XPO4: variants seen among roughly 807,000 people sequenced by gnomAD.
The protein encoded by XPO4 is exportin 4.
A neutral mutation model predicts 143.0 loss-of-function variants in XPO4; 39 were observed. That is an observed-to-expected ratio of 0.27 (90% CI 0.21 to 0.36). The LOEUF is 0.36. Ranked by LOEUF, XPO4 falls within the 10% of genes least tolerant of loss-of-function variation. The pLI, the probability that XPO4 is intolerant of heterozygous loss-of-function variation, is 1.00. For missense variants in XPO4, 907 were observed against 1,348.0 expected, an observed-to-expected ratio of 0.67 and a Z score of 5.12; for synonymous variants, 439 against 474.0, an observed-to-expected ratio of 0.93 and a Z score of 0.96.
intron 7 of XPO4, among the ~76,000 whole-genome samples, chr13:20,823,841 G>A (rs1358055330): frequency 6.6e-6 from 1 of 152,082 alleles, no homozygotes; most frequent in Non-Finnish European, 1.5e-5. Context: ...TAGTAGAGAC[G>A]GGGTTTCGCC....
intron 1 of XPO4, among the ~76,000 whole-genome samples, chr13:20,894,748 G>A (rs1201495244): frequency 6.6e-6 from 1 of 151,890 alleles, no homozygotes; most frequent in Non-Finnish European, 1.5e-5. Context: ...GGAGGCTAAG[G>A]CAGGAGAATC....
chr13:20,892,897 A>T (rs528328580), intron 1 of XPO4, among the ~76,000 whole-genome samples: 79 of 151,932 alleles, frequency 5.2e-4, no homozygotes, highest in East Asian at 2.7e-3. Context: ...AATAAAAAAA[A>T]AAAAATAAAA....
chr13:20,888,967 T>A (rs571947762), intron 1 of XPO4, among the ~76,000 whole-genome samples: 5 of 152,030 alleles, frequency 3.3e-5, no homozygotes, highest in African/African-American at 9.6e-5. Context: ...CATGCCCAGT[T>A]CCCAGTTAAT....
intron 9 of XPO4, among the ~76,000 whole-genome samples, chr13:20,817,000 C>A (rs147811058): frequency 6.6e-6 from 1 of 152,278 alleles, no homozygotes; most frequent in East Asian, 1.9e-4. Flanking sequence ...GTGGGGGGCG[C>A]TGGACAGCCA....
rs1413430418 is a variant in XPO4, at chr13:20,797,024, C to T, written c.2356G>A (p.Val786Met). 6.2e-7 allele frequency: 1 copy of T among 1,608,084 alleles called. No homozygotes were observed. The highest frequency in any genetic ancestry group is 2.2e-5 in the East Asian group (1 of 44,778). Reference protein sequence around the residue: ...LQPLQQRFLRVINQENFQQMC... With the variant: ...LQPLQQRFLRMINQENFQQMC... ...TGCTGGAAGTTTTCTTGGTTTATCA[C>T]TCTTAAGAATCGCTGCTGAAGTGGC... is the stretch of plus-strand genomic sequence containing the variant. Residue 786 changes from valine (V) to methionine (M), a missense_variant, in exon 17 of 23, where the codon GTG becomes ATG. Coordinates refer to ENST00000255305, the MANE Select transcript of XPO4 (RefSeq NM_022459.5).
At chr13:20,900,676 G>C (rs959747506) in intron 1 of XPO4, among the ~76,000 whole-genome samples, 20 of 150,624 alleles carry the variant, frequency 1.3e-4, no homozygotes, top group Non-Finnish European at 2.2e-4. Flanking sequence ...GCAGCAGCAC[G>C]ATCTCGGCTC....
In XPO4 at chr13:20,780,046, A is replaced by G. The variant is rs934465636; in HGVS notation, c.*3676T>C. 6.6e-6 allele frequency: 1 copy of G among 152,306 alleles called. No homozygotes were observed. Among genetic ancestry groups the G allele is most frequent in the South Asian group, 2.1e-4 (1 of 4,828 alleles). 9.4% of individuals were successfully genotyped at this position (152,306 alleles called of 1,614,324 possible). ...ACATTATTATATCCTCAAATCAACA[A>G]TGTTTTTTTGTGGGAAAGCTTACAG... On this transcript the variant is annotated 3_prime_UTR_variant, in exon 23 of 23. Transcript: ENST00000255305.
At chr13:20,892,730 G>GT (rs200102607) in intron 1 of XPO4, among the ~76,000 whole-genome samples, 2,692 of 152,028 alleles carry the variant, frequency 0.018, 95 homozygotes, top group African/African-American at 0.06. Context: ...CAAAAACATT[G>GT]TAACATAGCC....
intron 4 of XPO4, among the ~76,000 whole-genome samples, chr13:20,847,980 A>G (rs1405119152): frequency 1.3e-5 from 2 of 152,236 alleles, no homozygotes; most frequent in East Asian, 3.8e-4. Context: ...TATGGCAATT[A>G]TATGATATTA....
chr13:20,807,414 C>T, intron 13 of XPO4, 43 bp downstream of exon 13: 1 of 1,546,250 alleles, frequency 6.5e-7, no homozygotes, highest in Non-Finnish European at 8.7e-7. Context: ...ATTTATAAAA[C>T]AGTATAAAAA....
intron 1 of XPO4, among the ~76,000 whole-genome samples, chr13:20,888,218 G>C (rs1002945872): frequency 2.0e-5 from 3 of 148,922 alleles, no homozygotes; most frequent in African/African-American, 7.4e-5. Context: ...GAAAATGAAT[G>C]ATGAAATGAT....
At chr13:20,827,874 C>T (rs1352613027) in intron 6 of XPO4, among the ~76,000 whole-genome samples, 1 of 152,032 alleles carries the variant, frequency 6.6e-6, no homozygotes, top group Admixed American at 6.5e-5. Flanking sequence ...ACAAAGTAAC[C>T]ATCATATATT....
intron 20 of XPO4, among the ~76,000 whole-genome samples, 186 bp downstream of exon 20, chr13:20,788,300 A>C (rs1391103881): frequency 6.6e-6 from 1 of 151,910 alleles, no homozygotes; most frequent in Non-Finnish European, 1.5e-5. Context: ...CAGGTGATCC[A>C]CCCGCCTCGG....
intron 3 of XPO4, among the ~76,000 whole-genome samples, chr13:20,861,359 G>A (rs1046819049): frequency 4.2e-5 from 6 of 144,002 alleles, no homozygotes; most frequent in African/African-American, 1.3e-4. Context: ...GCAGTGGCTC[G>A]ATCTTGGCTC....
At chr13:20,828,603 G>C (rs1456757908) in intron 6 of XPO4, among the ~76,000 whole-genome samples, 3 of 152,132 alleles carry the variant, frequency 2.0e-5, no homozygotes, top group African/African-American at 7.2e-5. Context: ...ATCACTGCTT[G>C]TTTCTGAAAA....
At chr13:20,857,775 A>G (rs2060159305) in intron 3 of XPO4, 1 of 873,080 alleles carries the variant, frequency 1.1e-6, no homozygotes, top group South Asian at 5.2e-5. Context: ...CAAAGAAGTA[A>G]TCTGCCCAAT....
intron 18 of XPO4, among the ~76,000 whole-genome samples, chr13:20,795,191 T>C (rs999396242): frequency 5.3e-5 from 8 of 152,096 alleles, no homozygotes; most frequent in African/African-American, 1.9e-4. Context: ...CAACATATAA[T>C]AGGAGAGGCT....
At chr13:20,815,173 A>G (rs567633116) in intron 9 of XPO4, among the ~76,000 whole-genome samples, 25 of 152,148 alleles carry the variant, frequency 1.6e-4, no homozygotes, top group Non-Finnish European at 2.6e-4. Flanking sequence ...GGGGCAGGGA[A>G]GGATAAATAG....
intron 9 of XPO4, among the ~76,000 whole-genome samples, chr13:20,811,844 C>T (rs1460212397): frequency 1.3e-5 from 2 of 152,176 alleles, no homozygotes. Context: ...TGAGATGACG[C>T]ATACAGGGTG....
Sources: allele counts gnomAD v4.1 joint callset (sites outside exome capture counted in the v4.1 genomes callset), GRCh38; gene constraint gnomAD v4.1.1; transcripts MANE v1.5; gene names NCBI Gene and HGNC (gene_info 2026-07-23, HGNC 2026-07-21).